The following CAPN2 variants were observed in gnomAD, a reference collection of about 807,000 sequenced individuals.
The protein encoded by CAPN2 is calpain-2 catalytic subunit.
CAPN2 carries 92 observed loss-of-function variants against 102.3 expected under a neutral mutation model. The ratio of observed to expected loss-of-function variants is 0.90; its 90% CI spans 0.76 to 1.07. CAPN2 has a LOEUF of 1.07. Ranked by LOEUF, CAPN2 falls within the 50% of genes least tolerant of loss-of-function variation. The probability of loss-of-function intolerance (pLI) is 0.00; values close to 1 mark genes in which losing one functional copy is unlikely to be tolerated. For synonymous variants in CAPN2, 340 were observed against 355.4 expected (o/e 0.96, Z 0.49); for missense variants, 800 against 909.4 (o/e 0.88, Z 1.55).
intron 16 of CAPN2, among the ~76,000 whole-genome samples, chr1:223,767,218 T>C (rs1201027707): frequency 6.6e-6 from 1 of 152,120 alleles, no homozygotes; most frequent in Non-Finnish European, 1.5e-5. Context: ...CTTTAAGTTT[T>C]AGGGTACATG....
chr1:223,766,253 A>G (rs1661312330), intron 15 of CAPN2, 114 bp from the exon 16 acceptor site: 1 of 744,242 alleles, frequency 1.3e-6, no homozygotes, highest in South Asian at 1.6e-5. Context: ...AATATAATGG[A>G]AGTGGCTTCT....
chr1:223,750,281 T>C (rs998691115), intron 6 of CAPN2, among the ~76,000 whole-genome samples: 2 of 152,232 alleles, frequency 1.3e-5, no homozygotes, highest in African/African-American at 4.8e-5. Flanking sequence ...TTTTGAGCCA[T>C]ATGAAAGTAA....
intron 2 of CAPN2, 114 bp from the exon 3 acceptor site, chr1:223,743,986 C>CT: frequency 1.4e-6 from 1 of 729,866 alleles, no homozygotes; most frequent in Non-Finnish European, 2.5e-6. Flanking sequence ...AAACTTCACT[C>CT]TGTCTATTCA....
chr1:223,762,345 G>A, intron 14 of CAPN2, 94 bp downstream of exon 14: 5 of 999,258 alleles, frequency 5.0e-6, no homozygotes, highest in East Asian at 2.4e-5. Context: ...AAAGGGGAGA[G>A]GAAACAAACT....
intron 2 of CAPN2, among the ~76,000 whole-genome samples, chr1:223,733,583 T>A (rs943402332): frequency 2.0e-5 from 3 of 152,178 alleles, no homozygotes; most frequent in African/African-American, 7.2e-5. Flanking sequence ...AAGGGCTGGC[T>A]ACCTGGTGTG....
In CAPN2 at chr1:223,726,020, G is replaced by T. The variant is rs753448846; in HGVS notation, c.307+8189G>T. Among the ~76,000 whole-genome samples, 1 of 152,156 alleles carries T rather than the reference G, an allele frequency of 6.6e-6. No homozygotes were observed. The highest frequency in any genetic ancestry group is 1.5e-5 in the Non-Finnish European group (1 of 68,036). On this transcript the variant is annotated intron_variant, in intron 2 of 20. Coordinates refer to ENST00000295006, the MANE Select transcript of CAPN2 (RefSeq NM_001748.5). The surrounding 1 kb of genome is among the most constrained non-coding windows in gnomAD (Gnocchi z 4.4). ...TCCGTCTCTCGGGAGACCAGGATCC[G>T]AGTGAGAAAGTTTCCCACGTTCATT...
rs373572576 is a variant in CAPN2, at chr1:223,729,996, C to T, written c.307+12165C>T. 1.1e-4 allele frequency among the ~76,000 whole-genome samples: 14 copies of T among 129,856 alleles called. No homozygotes were observed. In the East Asian group the frequency reaches 2.9e-3, roughly 27 times the overall value. 85.2% of individuals were successfully genotyped at this position (129,856 alleles called of 152,430 possible). A position where few individuals can be genotyped will look rare whatever the true frequency, so the allele number is the denominator to read the frequency against. On this transcript the variant is annotated intron_variant, in intron 2 of 20. Coordinates refer to ENST00000295006, the MANE Select transcript of CAPN2 (RefSeq NM_001748.5). ...CAGCCTAGGAGACAAGAGCAAGACT[C>T]GCTCCCAAAAAACCAAAAAAAAAAA...
chr1:223,751,924 T>A (rs1660910760), intron 7 of CAPN2, 73 bp from the exon 8 acceptor site: 2 of 994,050 alleles, frequency 2.0e-6, no homozygotes, highest in Non-Finnish European at 3.1e-6. Flanking sequence ...CAGATGTCCC[T>A]CTTCCTCAAC....
At chr1:223,741,701 C>T (rs746944521) in intron 2 of CAPN2, among the ~76,000 whole-genome samples, 7 of 152,002 alleles carry the variant, frequency 4.6e-5, no homozygotes, top group East Asian at 3.9e-4. Context: ...GCTATCTGCC[C>T]GCCTTGGCCT....
intron 4 of CAPN2, among the ~76,000 whole-genome samples, chr1:223,746,150 T>C (rs779492644): frequency 3.3e-5 from 5 of 152,278 alleles, no homozygotes; most frequent in Non-Finnish European, 5.9e-5. Flanking sequence ...TTCTGTTTCT[T>C]ACAGTCCCAA....
rs151201455 is a variant in CAPN2 at position 223,725,924 on chromosome 1, C to T, written c.307+8093C>T. On this transcript the variant is annotated intron_variant, in intron 2 of 20. Transcript: ENST00000295006. This position sits in a 1 kb window ranked among gnomAD's most constrained non-coding sequence, Gnocchi z 4.1. Reference sequence around the variant, plus strand: ...GTTTGCGTCCTTTCTTTTTCTTTTCCTACAATGCAGGGAACTTTAAGACTA... The same window carrying T: ...GTTTGCGTCCTTTCTTTTTCTTTTCTTACAATGCAGGGAACTTTAAGACTA... Among the ~76,000 whole-genome samples the T allele has an allele frequency of 2.7e-3, 409 of 152,212 alleles. 3 individuals carry two copies. Among genetic ancestry groups the T allele is most frequent in the African/African-American group, 9.0e-3 (375 of 41,530 alleles).
chr1:223,755,265 C>T lies in CAPN2; in HGVS notation c.1136-215C>T, dbSNP rs1416292081. Among the ~76,000 whole-genome samples the T allele has an allele frequency of 6.6e-6, 1 of 151,944 alleles. No individual in the cohort carries two copies. The highest frequency in any genetic ancestry group is 2.4e-5 in the African/African-American group (1 of 41,360). Reference sequence around the variant, plus strand: ...CTTGCCAACTCCCACCATCTCCCGCCATTTTCTGACATCTCCCGCTGTCTC... The same window carrying T: ...CTTGCCAACTCCCACCATCTCCCGCTATTTTCTGACATCTCCCGCTGTCTC... On this transcript the variant is annotated intron_variant, in intron 9 of 20. Transcript: ENST00000295006. The surrounding 1 kb of genome is among the most constrained non-coding windows in gnomAD (Gnocchi z 4.1).
At position 223,747,151 on chromosome 1, in the gene CAPN2, G is replaced by A; in HGVS notation, c.715G>A (p.Gly239Ser). ...QKALQKGSLL[G>S]CSIDITSAAD... ...AGCTCTGCAAAAAGGCTCTCTCCTTGGCTGCTCCATCGACGTAAGTCCAGG... is the reference window on the plus strand; with the variant it reads ...AGCTCTGCAAAAAGGCTCTCTCCTTAGCTGCTCCATCGACGTAAGTCCAGG... The change falls in exon 5 of 21, where the codon GGC (glycine) becomes AGC (serine). Residue 239 changes from glycine to serine, a missense_variant. Coordinates refer to ENST00000295006, the MANE Select transcript of CAPN2 (RefSeq NM_001748.5). 3 of 1,613,224 alleles carry A rather than the reference G, an allele frequency of 1.9e-6. No individual in the cohort carries two copies. The highest frequency in any genetic ancestry group is 2.5e-6 in the Non-Finnish European group (3 of 1,179,450).
intron 2 of CAPN2, among the ~76,000 whole-genome samples, chr1:223,719,849 A>G (rs978190193): frequency 5.4e-5 from 8 of 147,858 alleles, no homozygotes; most frequent in South Asian, 2.2e-4. Context: ...CGCGCGTATA[A>G]TGCAGTATTG....
chr1:223,720,315 C>CTCTCTTTTTTTT (rs564518898), intron 2 of CAPN2, among the ~76,000 whole-genome samples: 51 of 107,468 alleles, frequency 4.7e-4, no homozygotes, highest in African/African-American at 1.7e-3. Flanking sequence ...CTCTTTCTCT[C>CTCTCTTTTTTTT]TTTTTTTTTT....
intron 9 of CAPN2, among the ~76,000 whole-genome samples, chr1:223,753,594 C>T (rs1031346097): frequency 6.6e-5 from 10 of 152,208 alleles, no homozygotes; most frequent in Admixed American, 6.5e-5. Context: ...TGGAACTATC[C>T]TAAGTGTTTT....
At position 223,759,489 on chromosome 1, in the gene CAPN2, G is replaced by C; in HGVS notation, c.1529+8G>C. The C allele has an allele frequency of 6.2e-6, 10 of 1,612,834 alleles. No individual in the cohort carries two copies. Among genetic ancestry groups the C allele is most frequent in the Non-Finnish European group, 8.5e-6 (10 of 1,179,310 alleles). On this transcript the variant is annotated splice_region_variant and intron_variant, in intron 12 of 20. Transcript: ENST00000295006. This position sits in a 1 kb window ranked among gnomAD's most constrained non-coding sequence, Gnocchi z 4.6. Reference sequence around the variant, plus strand: ...AAAGAAAGCTGACTACCAGTAGGCGGTTTGGTCCCTTCCTCTCCCCACCCT... The same window carrying C: ...AAAGAAAGCTGACTACCAGTAGGCGCTTTGGTCCCTTCCTCTCCCCACCCT...
At chr1:223,744,335 G>C (rs780342398) in intron 3 of CAPN2, 117 bp downstream of exon 3, 1 of 720,392 alleles carries the variant, frequency 1.4e-6, no homozygotes, top group Non-Finnish European at 2.5e-6. Flanking sequence ...GACCAATACT[G>C]TTCTACAAAG....
Position 223,754,535 on chromosome 1 carries a change from C to G in CAPN2, c.1136-945C>G, listed in dbSNP as rs1366926957. Among the ~76,000 whole-genome samples, 2 of 152,256 alleles carry G rather than the reference C, an allele frequency of 1.3e-5. No individual in the cohort carries two copies. Among genetic ancestry groups the G allele is most frequent in the African/African-American group, 2.4e-5 (1 of 41,474 alleles). On this transcript the variant is annotated intron_variant, in intron 9 of 20. Coordinates refer to ENST00000295006, the MANE Select transcript of CAPN2 (RefSeq NM_001748.5). This position sits in a 1 kb window ranked among gnomAD's most constrained non-coding sequence, Gnocchi z 4.7. ...ATAAAACGTTATTTACAAAAACAGGCAGCGGCCTTCGGAGCCATAGCTGCC... is the reference window on the plus strand; with the variant it reads ...ATAAAACGTTATTTACAAAAACAGGGAGCGGCCTTCGGAGCCATAGCTGCC...
Sources: allele counts gnomAD v4.1 joint callset (sites outside exome capture counted in the v4.1 genomes callset), GRCh38; gene constraint gnomAD v4.1.1; non-coding constraint Gnocchi (gnomAD v3.1); transcripts MANE v1.5; gene names NCBI Gene and HGNC (gene_info 2026-07-23, HGNC 2026-07-21).